GALNT13: variants seen among roughly 807,000 people sequenced by gnomAD.
GALNT13 encodes UDP-GalNAc:polypeptide N-acetylgalactosaminyltransferase 13.
In GALNT13, 28 loss-of-function variants were observed where a neutral mutation model predicts 64.2. The ratio of observed to expected loss-of-function variants is 0.44; its 90% confidence interval spans 0.32 to 0.60. GALNT13 has a LOEUF of 0.60. Among genes scored for constraint, GALNT13 ranks in the 20% least tolerant of loss-of-function variants. The pLI is 0.05. For missense variants in GALNT13, 577 were observed against 669.8 expected (o/e 0.86, Z 1.53); for synonymous variants, 214 against 224.6 (o/e 0.95, Z 0.42).
chr2:154,130,315 G>A (rs755923315), intron 3 of GALNT13, among the ~76,000 whole-genome samples: 6 of 152,066 alleles, frequency 3.9e-5, no homozygotes, highest in Non-Finnish European at 8.8e-5. Context: ...GGCTGGTATG[G>A]ACATAGAGGT....
chr2:154,314,355 G>A (rs953257001), intron 9 of GALNT13, among the ~76,000 whole-genome samples: 1 of 152,106 alleles, frequency 6.6e-6, no homozygotes, highest in Non-Finnish European at 1.5e-5. Flanking sequence ...GTTACACATT[G>A]CAGATTTCTT....
At chr2:153,415,080 A>G in the GALNT13 span, among the ~76,000 whole-genome samples, 4 of 152,228 alleles carry the variant, frequency 2.6e-5, no homozygotes, top group East Asian at 3.9e-4. Context: ...TAATATGTCA[A>G]TTTGGCCTTC....
In GALNT13 at chr2:154,140,909, A is replaced by G. The variant is rs7561883; in HGVS notation, c.311+404A>G. ...GCAATTTTGTCATTGTGTAAGCATC[A>G]TAGGTGTACTTACACAAACCTATAT... is the stretch of plus-strand genomic sequence containing the variant. On this transcript the variant is annotated intron_variant, in intron 4 of 12. Coordinates refer to ENST00000392825, the MANE Select transcript of GALNT13 (RefSeq NM_052917.4). Among the ~76,000 whole-genome samples, 761 of 152,292 alleles carry G rather than the reference A, an allele frequency of 5.0e-3. 5 individuals carry two copies. Among genetic ancestry groups the G allele is most frequent in the African/African-American group, 0.016 (670 of 41,578 alleles).
chr2:153,885,878 A>G (rs1406354701), intron 1 of GALNT13, among the ~76,000 whole-genome samples: 1 of 152,088 alleles, frequency 6.6e-6, no homozygotes, highest in East Asian at 1.9e-4. Context: ...AGTTCCCACA[A>G]AAAAATTTAC....
chr2:153,952,219 C>T (rs1156359008), intron 3 of GALNT13, among the ~76,000 whole-genome samples: 1 of 152,146 alleles, frequency 6.6e-6, no homozygotes, highest in Non-Finnish European at 1.5e-5. Context: ...AGTGCACCTG[C>T]AAACACTTTG....
the GALNT13 span, among the ~76,000 whole-genome samples, chr2:153,343,214 C>A: frequency 2.0e-5 from 3 of 152,102 alleles, no homozygotes; most frequent in Non-Finnish European, 4.4e-5. Context: ...TATAAGGCAT[C>A]CAAATAAGAC....
chr2:154,370,791 C>T (rs1015570107), intron 9 of GALNT13, among the ~76,000 whole-genome samples: 9 of 151,916 alleles, frequency 5.9e-5, no homozygotes, highest in Admixed American at 3.3e-4. Flanking sequence ...TATTTAAATC[C>T]ATGTAACAAT....
chr2:154,089,464 A>G (rs143082050), intron 3 of GALNT13, among the ~76,000 whole-genome samples: 1 of 152,110 alleles, frequency 6.6e-6, no homozygotes, highest in Non-Finnish European at 1.5e-5. Flanking sequence ...TCACCATAGA[A>G]GTGGGGGGTC....
At chr2:153,531,058 A>G in the GALNT13 span, among the ~76,000 whole-genome samples, 1 of 152,202 alleles carries the variant, frequency 6.6e-6, no homozygotes, top group African/African-American at 2.4e-5. Context: ...AAGTTAAAAA[A>G]CTTCTGTATA....
At chr2:154,259,533 T>G (rs955322478) in intron 8 of GALNT13, among the ~76,000 whole-genome samples, 3 of 152,160 alleles carry the variant, frequency 2.0e-5, no homozygotes, top group Non-Finnish European at 4.4e-5. Context: ...CAGAAAACTT[T>G]AAGAATGAAC....
In GALNT13 at chr2:154,219,814, C is replaced by T. The variant is rs960282926; in HGVS notation, c.312-22216C>T. The stretch of plus-strand genomic sequence containing the variant: ...AGTCTCCACCTGGGAAGTGATCATT[C>T]CTAGCAGACATTATGATTTGCAGAA... On this transcript the variant is annotated intron_variant, in intron 4 of 12. Coordinates refer to ENST00000392825, the MANE Select transcript of GALNT13 (RefSeq NM_052917.4). Among the ~76,000 whole-genome samples, 11 of 152,162 alleles carry T rather than the reference C, an allele frequency of 7.2e-5. No individual in the cohort carries two copies. The East Asian group carries it at 2.1e-3, about 29-fold the overall frequency.
chr2:154,152,996 G>A (rs1367026310), intron 4 of GALNT13, among the ~76,000 whole-genome samples: 2 of 152,208 alleles, frequency 1.3e-5, no homozygotes, highest in Non-Finnish European at 2.9e-5. Context: ...CTTTGGAGGA[G>A]GAGAGGCGCT....
At chr2:153,839,244 T>C in the GALNT13 span, among the ~76,000 whole-genome samples, 6 of 151,850 alleles carry the variant, frequency 4.0e-5, no homozygotes, top group African/African-American at 9.7e-5. Flanking sequence ...CTTAGATATA[T>C]TTTACTTTTT....
chr2:154,269,617 T>G (rs1016225203), intron 8 of GALNT13, among the ~76,000 whole-genome samples: 1 of 151,520 alleles, frequency 6.6e-6, no homozygotes, highest in African/African-American at 2.4e-5. Context: ...CCACAAAGAA[T>G]GCAGACCAAT....
intron 12 of GALNT13, among the ~76,000 whole-genome samples, chr2:154,448,080 T>TGGCTTATTA (rs1701684584): frequency 1.3e-5 from 2 of 152,178 alleles, no homozygotes; most frequent in South Asian, 4.1e-4. Context: ...AAAACCATCC[T>TGGCTTATTA]GGCTTATTAG....
intron 3 of GALNT13, among the ~76,000 whole-genome samples, chr2:154,136,745 T>C (rs761491403): frequency 3.9e-5 from 6 of 152,146 alleles, no homozygotes; most frequent in Non-Finnish European, 7.4e-5. Flanking sequence ...CTAATTATTT[T>C]TTTAAATAAT....
the GALNT13 span, among the ~76,000 whole-genome samples, chr2:153,725,621 G>C: frequency 6.6e-6 from 1 of 151,892 alleles, no homozygotes; most frequent in African/African-American, 2.4e-5. Flanking sequence ...AGATTTTTTG[G>C]AAAAATGTAA....
chr2:153,514,237 T>C, the GALNT13 span, among the ~76,000 whole-genome samples: 1 of 152,176 alleles, frequency 6.6e-6, no homozygotes, highest in African/African-American at 2.4e-5. Flanking sequence ...GAAATCATTC[T>C]TTAGGCCTAT....
At chr2:153,653,640 C>A in the GALNT13 span, among the ~76,000 whole-genome samples, 1,122 of 152,186 alleles carry the variant, frequency 7.4e-3, 10 homozygotes, top group Non-Finnish European at 9.8e-3. Flanking sequence ...CAGAAAAAGA[C>A]CACAAGGTAT....
Sources: allele counts gnomAD v4.1 joint callset (sites outside exome capture counted in the v4.1 genomes callset), GRCh38; gene constraint gnomAD v4.1.1; transcripts MANE v1.5; gene names NCBI Gene and HGNC (gene_info 2026-07-23, HGNC 2026-07-21).